The following SNX9 variants were observed in gnomAD, a reference collection of about 807,000 sequenced individuals.
The protein encoded by SNX9 is sorting nexin 9.
Under a neutral mutation model 89.4 loss-of-function variants are expected in SNX9, and 44 were observed. The observed-to-expected ratio is 0.49, with a 90% CI of 0.39 to 0.63. The LOEUF is 0.63. Ranked by LOEUF, SNX9 falls within the 30% of genes least tolerant of loss-of-function variation. The pLI is 0.00. For synonymous variants in SNX9, 236 were observed against 247.8 expected (o/e 0.95, Z 0.45); for missense variants, 578 against 736.1 (o/e 0.79, Z 2.49).
intron 1 of SNX9, among the ~76,000 whole-genome samples, chr6:157,843,931 G>A (rs1270200817): frequency 2.8e-5 from 4 of 143,096 alleles, no homozygotes; most frequent in African/African-American, 8.0e-5. Flanking sequence ...CCAGAGTGCA[G>A]TGGCATGATC....
chr6:157,934,577 A>G (rs1400885220), intron 13 of SNX9, among the ~76,000 whole-genome samples: 2 of 152,230 alleles, frequency 1.3e-5, no homozygotes, highest in Non-Finnish European at 2.9e-5. Flanking sequence ...TAAGAATGTT[A>G]GTTGTTTTCA....
At chr6:157,937,833 A>C (rs1033355373) in intron 15 of SNX9, among the ~76,000 whole-genome samples, 1 of 152,244 alleles carries the variant, frequency 6.6e-6, no homozygotes, top group African/African-American at 2.4e-5. Flanking sequence ...AAATCTCTGC[A>C]AAGGGCTGGT....
At chr6:157,871,963 G>C (rs1782422371) in intron 2 of SNX9, among the ~76,000 whole-genome samples, 1 of 151,708 alleles carries the variant, frequency 6.6e-6, no homozygotes, top group South Asian at 2.1e-4. Flanking sequence ...CTTTATTGAA[G>C]TATTTAATTT....
chr6:157,852,953 ATCT>A (rs1313529776), intron 1 of SNX9, among the ~76,000 whole-genome samples: 2 of 151,956 alleles, frequency 1.3e-5, no homozygotes, highest in Admixed American at 6.5e-5. Flanking sequence ...AAAGTCAGTT[ATCT>A]TCTTAGTTTT....
intron 4 of SNX9, among the ~76,000 whole-genome samples, chr6:157,878,521 C>T (rs1156334632): frequency 6.6e-6 from 1 of 151,844 alleles, no homozygotes; most frequent in African/African-American, 2.4e-5. Flanking sequence ...CCTCTGCCTC[C>T]TCCTGGGTTC....
At chr6:157,851,459 A>G (rs80016278) in intron 1 of SNX9, among the ~76,000 whole-genome samples, 1,824 of 152,206 alleles carry the variant, frequency 0.012, 44 homozygotes, top group African/African-American at 0.042. Context: ...TCACCATCCC[A>G]AATAGAAACT....
intron 1 of SNX9, among the ~76,000 whole-genome samples, chr6:157,837,993 C>T (rs1781617942): frequency 1.3e-5 from 2 of 152,156 alleles, no homozygotes; most frequent in Admixed American, 6.5e-5. Flanking sequence ...CAGAAATATT[C>T]AGTATGCTAC....
At chr6:157,921,934 T>C (rs1783592758) in intron 10 of SNX9, among the ~76,000 whole-genome samples, 1 of 152,164 alleles carries the variant, frequency 6.6e-6, no homozygotes, top group African/African-American at 2.4e-5. Context: ...CAGCAGTTTT[T>C]CCCTAGATGT....
Position 157,823,543 on chromosome 6 carries a change from G to A in SNX9, c.12+97G>A. ...GCCGCGGGGAGGGTCGGGGCCAGGGGTGGTCGAGGGGCCACTCCGCTTCCT... is the reference window on the plus strand; with the variant it reads ...GCCGCGGGGAGGGTCGGGGCCAGGGATGGTCGAGGGGCCACTCCGCTTCCT... On this transcript the variant is annotated intron_variant, in intron 1 of 17. Transcript: ENST00000392185. This position sits in a 1 kb window ranked among gnomAD's most constrained non-coding sequence, Gnocchi z 4.6. 1 of 1,048,692 alleles carries A rather than the reference G, an allele frequency of 9.5e-7. No homozygotes were observed. Among genetic ancestry groups the A allele is most frequent in the Non-Finnish European group, 1.2e-6 (1 of 843,066 alleles). The allele number at this position is 1,048,692 out of a possible 1,614,324, so 65.0% of individuals were successfully genotyped here.
intron 9 of SNX9, among the ~76,000 whole-genome samples, chr6:157,915,658 C>CATATATATATAT (rs1178537228): frequency 9.0e-6 from 1 of 110,986 alleles, no homozygotes; most frequent in Non-Finnish European, 1.9e-5. Flanking sequence ...TATATATATA[C>CATATATATATAT]ACACACACAC....
chr6:157,874,809 A>G (rs1191050442), intron 3 of SNX9: 10 of 356,636 alleles, frequency 2.8e-5, no homozygotes, highest in Middle Eastern at 7.5e-4. Flanking sequence ...AGATTGAACA[A>G]TCCACTTCTA....
At chr6:157,941,703 C>T (rs1583252049) in intron 17 of SNX9, among the ~76,000 whole-genome samples, 1 of 152,204 alleles carries the variant, frequency 6.6e-6, no homozygotes, top group African/African-American at 2.4e-5. Context: ...TCTGCTCAGC[C>T]ATACTGGTGG....
chr6:157,825,280 A>G (rs1781322105), intron 1 of SNX9, among the ~76,000 whole-genome samples: 1 of 152,184 alleles, frequency 6.6e-6, no homozygotes, highest in Non-Finnish European at 1.5e-5. Flanking sequence ...GTTTGAAAAA[A>G]GAGAAGACGG....
At chr6:157,941,032 C>G in intron 17 of SNX9, 58 bp downstream of exon 17, 1 of 1,390,066 alleles carries the variant, frequency 7.2e-7, no homozygotes, top group South Asian at 1.2e-5. Context: ...CCTGGTAAAC[C>G]ACTTTGACCA....
In SNX9 at chr6:157,887,394, A is replaced by G. The variant is rs546412115; in HGVS notation, c.301-9433A>G. On this transcript the variant is annotated intron_variant, in intron 4 of 17. Transcript: ENST00000392185. The stretch of plus-strand genomic sequence containing the variant: ...TGTGTCTTTCCCTGACCTTGGGTAG[A>G]CCCCTCACGTGATGGGCTGATCAGT... Among the ~76,000 whole-genome samples the G allele has an allele frequency of 1.8e-4, 28 of 152,034 alleles. 1 individual carries two copies. In the South Asian group the frequency reaches 4.2e-3, roughly 23 times the overall value.
intron 2 of SNX9, among the ~76,000 whole-genome samples, chr6:157,871,999 T>TAGGA (rs1562600547): frequency 4.6e-5 from 7 of 152,196 alleles, no homozygotes; most frequent in Non-Finnish European, 1.0e-4. Context: ...CAACTTGTCC[T>TAGGA]CAAGTTGCTA....
chr6:157,899,874 A>C (rs537007879), intron 5 of SNX9, among the ~76,000 whole-genome samples: 1 of 151,466 alleles, frequency 6.6e-6, no homozygotes, highest in South Asian at 2.1e-4. Flanking sequence ...CATATCCCTC[A>C]CCTCACATGA....
chr6:157,864,791 A>G (rs1288547694), intron 1 of SNX9, among the ~76,000 whole-genome samples: 2 of 152,274 alleles, frequency 1.3e-5, no homozygotes, highest in East Asian at 3.9e-4. Context: ...GTATTTTGGG[A>G]GGCCGAGGCG....
intron 1 of SNX9, among the ~76,000 whole-genome samples, chr6:157,849,057 A>G (rs750815017): frequency 3.3e-5 from 5 of 152,198 alleles, no homozygotes; most frequent in Non-Finnish European, 5.9e-5. Context: ...GGCTGCAGTA[A>G]GCTGTGATGC....
Sources: allele counts gnomAD v4.1 joint callset (sites outside exome capture counted in the v4.1 genomes callset), GRCh38; gene constraint gnomAD v4.1.1; non-coding constraint Gnocchi (gnomAD v3.1); transcripts MANE v1.5; gene names NCBI Gene and HGNC (gene_info 2026-07-23, HGNC 2026-07-21).